INPP5J: variants seen among roughly 807,000 people sequenced by gnomAD.
INPP5J encodes the protein phosphatidylinositol 4,5-bisphosphate 5-phosphatase A.
Under a neutral mutation model 86.6 loss-of-function variants are expected in INPP5J, and 75 were observed. The ratio of observed to expected loss-of-function variants is 0.87; its 90% CI spans 0.72 to 1.05. INPP5J has a LOEUF of 1.05. Ranked by LOEUF, INPP5J falls within the 50% of genes least tolerant of loss-of-function variation. The pLI is 0.00. For missense variants in INPP5J, 1,229 were observed against 1,341.2 expected (o/e 0.92, Z 1.31); for synonymous variants, 540 against 550.0 (o/e 0.98, Z 0.25).
chr22:31,127,088 G>C, intron 5 of INPP5J, 51 bp downstream of exon 5: 1 of 1,256,394 alleles, frequency 8.0e-7, no homozygotes, highest in Non-Finnish European at 1.1e-6. Context: ...GGGGGCTTTA[G>C]ATTAGTCCCC....
Position 31,125,210 on chromosome 22 carries a change from C to A in INPP5J, c.471C>A (p.Pro157=). 6.4e-7 allele frequency: 1 copy of A among 1,550,520 alleles called. No homozygotes were observed. Among genetic ancestry groups the A allele is most frequent in the Non-Finnish European group, 8.7e-7 (1 of 1,146,956 alleles). Residue 157 remains proline, a synonymous_variant, in exon 2 of 13, where the codon CCC becomes CCA. Coordinates refer to ENST00000331075, the MANE Select transcript of INPP5J (RefSeq NM_001284285.2). Reference sequence around the variant, plus strand: ...GATCTCCCCCAGTCACCCTGGGGCCCAATCTGGCCCCAACCTCCAGAGACC... The same window carrying A: ...GATCTCCCCCAGTCACCCTGGGGCCAAATCTGGCCCCAACCTCCAGAGACC... ...GPRSPPVTLG[P]NLAPTSRDQK...
At position 31,128,452 on chromosome 22, in the gene INPP5J, G is replaced by T. The variant is rs1392220016; in HGVS notation, c.2010-19G>T. On this transcript the variant is annotated intron_variant, in intron 8 of 12. Transcript: ENST00000331075. ...TGATCCCCAGCCCCTGAAACTTGGG[G>T]TACCCCTGCTCACTGCAGTGCCAAG... is the stretch of plus-strand genomic sequence containing the variant. The T allele has an allele frequency of 1.9e-6, 3 of 1,612,516 alleles. No individual in the cohort carries two copies. Among genetic ancestry groups the T allele is most frequent in the Middle Eastern group, 1.6e-4 (1 of 6,082 alleles).
chr22:31,126,678 G>T lies in INPP5J; in HGVS notation c.1451G>T (p.Ser484Ile). 2 of 1,613,968 alleles carry T rather than the reference G, an allele frequency of 1.2e-6. No individual in the cohort carries two copies. Among genetic ancestry groups the T allele is most frequent in the South Asian group, 2.2e-5 (2 of 91,082 alleles). ...LKDALFTDQWSELFMDALGPF... is the reference protein window; with the variant it reads ...LKDALFTDQWIELFMDALGPF... Reference sequence around the variant, plus strand: ...GACGCCCTCTTCACGGACCAGTGGAGTGAGCTGTTCATGGATGCGCTAGGG... The same window carrying T: ...GACGCCCTCTTCACGGACCAGTGGATTGAGCTGTTCATGGATGCGCTAGGG... Residue 484 changes from serine (S) to isoleucine (I), a missense_variant, in exon 4 of 13, where the codon AGT becomes ATT. Physicochemically the swap from Ser to Ile is moderately radical, Grantham distance 142. Coordinates refer to ENST00000331075, the MANE Select transcript of INPP5J (RefSeq NM_001284285.2).
chr22:31,127,915 G>GC (rs755238212), intron 6 of INPP5J, 36 bp from the exon 7 acceptor site: 8 of 1,147,378 alleles, frequency 7.0e-6, no homozygotes, highest in East Asian at 4.9e-5. Flanking sequence ...ACCCCCCACT[G>GC]CCCCCCACAT....
chr22:31,132,322 C>G (rs1469993268), intron 9 of INPP5J, among the ~76,000 whole-genome samples: 1 of 152,184 alleles, frequency 6.6e-6, no homozygotes, highest in African/African-American at 2.4e-5. Flanking sequence ...TTTTATTGGT[C>G]TTCCTTGCTA....
chr22:31,134,332 A>T lies in INPP5J; in HGVS notation c.2934A>T (p.Gly978=), dbSNP rs1922396036. Residue 978 remains glycine (G), a synonymous_variant, in exon 13 of 13, where the codon GGA becomes GGT. Transcript: ENST00000331075. The stretch of plus-strand genomic sequence containing the variant: ...ACCCTGGTGGTGGTGGCTCCTGGGG[A>T]CCTGATCGGGAGGCCCTGGCGCCCA... ...TVDPGGGGSW[G]PDREALAPNS... 6.5e-7 allele frequency: 1 copy of T among 1,548,042 alleles called. No homozygotes were observed. Among genetic ancestry groups the T allele is most frequent in the South Asian group, 1.2e-5 (1 of 83,842 alleles).
Position 31,125,657 on chromosome 22 carries a change from G to A in INPP5J, c.918G>A (p.Leu306=). 1 of 1,550,466 alleles carries A rather than the reference G, an allele frequency of 6.4e-7. No homozygotes were observed. The highest frequency in any genetic ancestry group is 8.7e-7 in the Non-Finnish European group (1 of 1,146,968). Residue 306 remains leucine (L), a synonymous_variant, in exon 2 of 13, where the codon TTG becomes TTA. Transcript: ENST00000331075. ...VLPRPPQTLP[L]DVGQGPSEPG... Reference sequence around the variant, plus strand: ...CACGGCCACCCCAGACCTTGCCCTTGGATGTGGGCCAGGGTCCTTCAGAGC... The same window carrying A: ...CACGGCCACCCCAGACCTTGCCCTTAGATGTGGGCCAGGGTCCTTCAGAGC...
At chr22:31,131,196 G>A (rs1398202732) in intron 9 of INPP5J, among the ~76,000 whole-genome samples, 6 of 152,170 alleles carry the variant, frequency 3.9e-5, no homozygotes, top group Non-Finnish European at 4.4e-5. Context: ...CACAATTAGG[G>A]ACCTCACCTG....
At position 31,126,959 on chromosome 22, in the gene INPP5J, G is replaced by C; in HGVS notation, c.1533G>C (p.Leu511=). The part of the protein sequence containing the change: ...SVRMQGVILL[L]FAKYYHLPFL... ...GGATGCAGGGTGTCATCCTGCTGCT[G>C]TTCGCCAAGTACTACCACCTGCCCT... Residue 511 remains leucine (L), a synonymous_variant, in exon 5 of 13, where the codon CTG becomes CTC. Transcript: ENST00000331075. The C allele has an allele frequency of 6.2e-7, 1 of 1,610,940 alleles. No homozygotes were observed. Among genetic ancestry groups the C allele is most frequent in the Non-Finnish European group, 8.5e-7 (1 of 1,178,598 alleles).
chr22:31,128,410 G>C (rs2147877645), intron 8 of INPP5J, 61 bp from the exon 9 acceptor site: 1 of 1,589,564 alleles, frequency 6.3e-7, no homozygotes, highest in East Asian at 2.3e-5. Flanking sequence ...CAGGAGGCAA[G>C]GTGGAGGGTT....
Position 31,124,836 on chromosome 22 carries a change from C to T in INPP5J, c.106-9C>T, listed in dbSNP as rs749962445. The T allele has an allele frequency of 3.7e-6, 6 of 1,602,694 alleles. No individual in the cohort carries two copies. The South Asian group carries it at 6.7e-5, about 18-fold the overall frequency. On this transcript the variant is annotated splice_polypyrimidine_tract_variant and intron_variant, in intron 1 of 12. Coordinates refer to ENST00000331075, the MANE Select transcript of INPP5J (RefSeq NM_001284285.2). ...GGTCACTCTGAATCTTTGACTTGTCCTCCACAAGGTGGACTCAAGTTTTCA... is the reference window on the plus strand; with the variant it reads ...GGTCACTCTGAATCTTTGACTTGTCTTCCACAAGGTGGACTCAAGTTTTCA...
Position 31,128,001 on chromosome 22 carries a change from T to C in INPP5J, c.1838T>C (p.Leu613Pro), listed in dbSNP as rs375290705. 3 of 1,607,970 alleles carry C rather than the reference T, an allele frequency of 1.9e-6. No individual in the cohort carries two copies. The highest frequency in any genetic ancestry group is 2.2e-5 in the South Asian group (2 of 90,924). ...AACTTCCGCATTGAGAGCTATGACC[T>C]GCACTTTGTCAAGTTTGCCATCGAC... ...DLNFRIESYDLHFVKFAIDSD... is the reference protein window; with the variant it reads ...DLNFRIESYDPHFVKFAIDSD... The change falls in exon 7 of 13, where the codon CTG becomes CCG. Residue 613 changes from leucine to proline, a missense_variant. Leu to Pro is a moderately conservative substitution (Grantham distance 98). Coordinates refer to ENST00000331075, the MANE Select transcript of INPP5J (RefSeq NM_001284285.2).
At chr22:31,131,803 AG>A (rs1246109835) in intron 9 of INPP5J, among the ~76,000 whole-genome samples, 2 of 152,230 alleles carry the variant, frequency 1.3e-5, no homozygotes, top group Non-Finnish European at 2.9e-5. Flanking sequence ...GCATTTTCAA[AG>A]GTCTACCCTT....
In INPP5J at chr22:31,126,560, G is replaced by A. The variant is rs549687233; in HGVS notation, c.1386-53G>A. 8.6e-5 allele frequency: 137 copies of A among 1,601,208 alleles called. 1 individual carries two copies. The East Asian group carries it at 2.5e-3, about 29-fold the overall frequency. On this transcript the variant is annotated intron_variant, in intron 3 of 12. Transcript: ENST00000331075. Reference sequence around the variant, plus strand: ...TTCCGGGCCCTCCACCCATGGCAGGGGCTTCCAGGGCACCTCTCCAATCCC... The same window carrying A: ...TTCCGGGCCCTCCACCCATGGCAGGAGCTTCCAGGGCACCTCTCCAATCCC...
chr22:31,126,812 C>T, intron 4 of INPP5J, 91 bp downstream of exon 4: 1 of 1,439,202 alleles, frequency 6.9e-7, no homozygotes, highest in Non-Finnish European at 9.8e-7. Flanking sequence ...CCCGCTGGGC[C>T]TCTGTGGCTG....
Position 31,125,136 on chromosome 22 carries a change from C to G in INPP5J, c.397C>G (p.Leu133Val). ...TCCCCCAGCGACCACAGGCTCAGTT[C>G]TGGCTCCGACGTCCCTGGGGCTGGT... ...KPPPATTGSV[L>V]APTSLGLVMP... The change falls in exon 2 of 13, where the codon CTG becomes GTG. Residue 133 changes from leucine to valine, a missense_variant. Leu to Val is a conservative substitution (Grantham distance 32, BLOSUM62 1). Transcript: ENST00000331075. 6.5e-7 allele frequency: 1 copy of G among 1,550,294 alleles called. No individual in the cohort carries two copies. The highest frequency in any genetic ancestry group is 8.7e-7 in the Non-Finnish European group (1 of 1,146,966).
Position 31,134,407 on chromosome 22 carries a change from C to G in INPP5J, c.3009C>G (p.Gly1003=). 1 of 1,459,658 alleles carries G rather than the reference C, an allele frequency of 6.9e-7. No homozygotes were observed. Among genetic ancestry groups the G allele is most frequent in the South Asian group, 1.4e-5 (1 of 69,100 alleles). 90.4% of individuals were successfully genotyped at this position (1,459,658 alleles called of 1,614,324 possible). A position where few individuals can be genotyped will look rare whatever the true frequency, so the allele number is the denominator to read the frequency against. The change falls in exon 13 of 13, where the codon GGC becomes GGG. Residue 1003 remains glycine (G), a synonymous_variant. Coordinates refer to ENST00000331075, the MANE Select transcript of INPP5J (RefSeq NM_001284285.2). The part of the protein sequence containing the change: ...PQGHRGLEEG[G]LGP ...GCCATCGGGGGCTGGAGGAAGGGGGCCTGGGGCCCTGAGGGTGGGGTAGGC... is the reference window on the plus strand; with the variant it reads ...GCCATCGGGGGCTGGAGGAAGGGGGGCTGGGGCCCTGAGGGTGGGGTAGGC...
chr22:31,133,625 G>A lies in INPP5J; in HGVS notation c.2425G>A (p.Glu809Lys). The change falls in exon 12 of 13, where the codon GAA becomes AAA. Residue 809 changes from glutamate (E) to lysine (K), a missense_variant. Glu to Lys is a moderately conservative substitution (Grantham distance 56). Transcript: ENST00000331075. ...GGCCTACCAGGTAACATTCAGTGAG[G>A]AATCACTGCCCAAGGGCCATGGAGA... ...GNTYQVTFSE[E>K]SLPKGHGDFI... is the part of the protein sequence containing the mutation. 1.2e-6 allele frequency: 2 copies of A among 1,611,570 alleles called. No individual in the cohort carries two copies. Among genetic ancestry groups the A allele is most frequent in the Non-Finnish European group, 1.7e-6 (2 of 1,178,642 alleles).
intron 9 of INPP5J, 109 bp downstream of exon 9, chr22:31,128,763 C>G: frequency 1.0e-6 from 1 of 955,430 alleles, no homozygotes; most frequent in Non-Finnish European, 1.5e-6. Flanking sequence ...CCCTCAGCAG[C>G]ATCCATTTGT....
Sources: allele counts gnomAD v4.1 joint callset (sites outside exome capture counted in the v4.1 genomes callset), GRCh38; gene constraint gnomAD v4.1.1; transcripts MANE v1.5; gene names NCBI Gene and HGNC (gene_info 2026-07-23, HGNC 2026-07-21).